The following DNHD1 variants were observed in gnomAD, a reference collection of about 807,000 sequenced individuals.
The protein encoded by DNHD1 is dynein heavy chain domain-containing protein 1.
A neutral mutation model predicts 458.1 loss-of-function variants in DNHD1; 383 were observed. That is an observed-to-expected ratio of 0.84 (90% CI 0.77 to 0.91). The LOEUF is 0.91. Among genes scored for constraint, DNHD1 ranks in the 40% least tolerant of loss-of-function variants. DNHD1 has a pLI of 0.00. For synonymous variants in DNHD1, 2,203 were observed against 2,376.9 expected, an observed-to-expected ratio of 0.93 and a Z score of 2.13; for missense variants, 5,336 against 5,866.1, an observed-to-expected ratio of 0.91 and a Z score of 2.95.
At chr11:6,529,268 G>T (rs1410479765) in intron 12 of DNHD1, 147 bp downstream of exon 12, 1 of 882,854 alleles carries the variant, frequency 1.1e-6, no homozygotes, top group African/African-American at 1.7e-5. Context: ...GAGGTCCCAG[G>T]CCCTTTCCTT....
chr11:6,510,364 C>T (rs1283165763), intron 6 of DNHD1, among the ~76,000 whole-genome samples: 3 of 152,180 alleles, frequency 2.0e-5, no homozygotes, highest in Non-Finnish European at 4.4e-5. Context: ...GGATTACAGG[C>T]GTGAGCCACC....
At position 6,570,269 on chromosome 11, in the gene DNHD1, T is replaced by C. The variant is rs776922688; in HGVS notation, c.12978T>C (p.Pro4326=). 6.2e-7 allele frequency: 1 copy of C among 1,613,724 alleles called. No individual in the cohort carries two copies. Among genetic ancestry groups the C allele is most frequent in the South Asian group, 1.1e-5 (1 of 91,056 alleles). The change falls in exon 41 of 43, where the codon CCT becomes CCC. Residue 4326 remains proline, a synonymous_variant. Transcript: ENST00000254579. ...CAGCTTCAGTTTTCTACGGGGGTCCTCTGGGGGACACTGAGGACAGGGAGG... is the reference window on the plus strand; with the variant it reads ...CAGCTTCAGTTTTCTACGGGGGTCCCCTGGGGGACACTGAGGACAGGGAGG... ...ELAASVFYGG[P]LGDTEDREAL...
At position 6,557,765 on chromosome 11, in the gene DNHD1, G is replaced by A. The variant is rs1192747237; in HGVS notation, c.8470G>A (p.Glu2824Lys). ...EKPSDLVFSQELILGPNSETP... is the reference protein window; with the variant it reads ...EKPSDLVFSQKLILGPNSETP... ...GCCCTCAGACCTGGTCTTCAGTCAG[G>A]AGCTGATACTGGGGCCTAACTCTGA... Residue 2824 changes from glutamate (E) to lysine (K), a missense_variant, in exon 25 of 43, where the codon GAG becomes AAG. By Grantham distance (56) the Glu-to-Lys change is moderately conservative (BLOSUM62 1). Around this residue, in one of 4 missense-constraint regions of DNHD1, gnomAD observed 3,932 missense variants for 4,365.6 expected, o/e 0.90. Transcript: ENST00000254579. 3 of 1,551,586 alleles carry A rather than the reference G, an allele frequency of 1.9e-6. No homozygotes were observed. The highest frequency in any genetic ancestry group is 2.6e-6 in the Non-Finnish European group (3 of 1,146,994).
intron 28 of DNHD1, among the ~76,000 whole-genome samples, chr11:6,560,834 T>G (rs1182048798): frequency 6.6e-6 from 1 of 152,184 alleles, no homozygotes; most frequent in Non-Finnish European, 1.5e-5. Flanking sequence ...ACTGGTTAAT[T>G]TTTTCATTAT....
intron 3 of DNHD1, among the ~76,000 whole-genome samples, 164 bp from the exon 4 acceptor site, chr11:6,502,589 G>A (rs1371015658): frequency 6.6e-6 from 1 of 152,102 alleles, no homozygotes; most frequent in Non-Finnish European, 1.5e-5. Context: ...CCCAGTATGT[G>A]GTATCTTTGA....
chr11:6,562,744 G>A (rs557235334), intron 28 of DNHD1, among the ~76,000 whole-genome samples: 4 of 152,200 alleles, frequency 2.6e-5, no homozygotes, highest in African/African-American at 7.2e-5. Context: ...CATAGTCTTC[G>A]GGTGAAGCGG....
At chr11:6,524,266 G>A (rs1421547544) in intron 10 of DNHD1, among the ~76,000 whole-genome samples, 2 of 152,170 alleles carry the variant, frequency 1.3e-5, no homozygotes, top group African/African-American at 4.8e-5. Flanking sequence ...TTCAAAGGTA[G>A]AGAAGAAGTA....
Position 6,519,788 on chromosome 11 carries a change from G to T in DNHD1, c.1581G>T (p.Met527Ile), listed in dbSNP as rs1201988543. 6.2e-7 allele frequency: 1 copy of T among 1,613,648 alleles called. No individual in the cohort carries two copies. Among genetic ancestry groups the T allele is most frequent in the Admixed American group, 1.7e-5 (1 of 60,014 alleles). The change falls in exon 8 of 43, where the codon ATG (methionine) becomes ATT (isoleucine). Residue 527 changes from methionine (M) to isoleucine (I), a missense_variant. Physicochemically the swap from Met to Ile is conservative, Grantham distance 10. This residue lies in a region of DNHD1 where 3,932 missense variants were observed against 4,365.6 expected (regional missense o/e 0.90). Coordinates refer to ENST00000254579, the MANE Select transcript of DNHD1 (RefSeq NM_144666.3). ...AGTTTGCCCGCCTGGTTGACTACAT[G>T]ATTTGTCAGAGCCTCATTTCTGTCT... ...LGKFARLVDYMICQSLISVLE... is the reference protein window; with the variant it reads ...LGKFARLVDYIICQSLISVLE...
At chr11:6,521,432 T>C (rs181532130) in intron 10 of DNHD1, among the ~76,000 whole-genome samples, 2 of 152,212 alleles carry the variant, frequency 1.3e-5, no homozygotes, top group East Asian at 1.9e-4. Flanking sequence ...GCTGAAAATA[T>C]TCACCTACCA....
In DNHD1 at chr11:6,528,875, T is replaced by C; in HGVS notation, c.2104-3T>C. The C allele has an allele frequency of 6.4e-7, 1 of 1,551,620 alleles. No individual in the cohort carries two copies. Among genetic ancestry groups the C allele is most frequent in the Non-Finnish European group, 8.7e-7 (1 of 1,146,942 alleles). On this transcript the variant is annotated splice_polypyrimidine_tract_variant and splice_region_variant and intron_variant, in intron 11 of 42. Transcript: ENST00000254579. ...CTGCCCTAAACACCTTGTCTGCCCT[T>C]AGGGCGTGCTGTGCAAGGTGCAGGA...
At chr11:6,526,036 C>T (rs1852705358) in intron 10 of DNHD1, among the ~76,000 whole-genome samples, 1 of 151,584 alleles carries the variant, frequency 6.6e-6, no homozygotes, top group African/African-American at 2.4e-5. Flanking sequence ...TCTTCCCTTG[C>T]TTTGTTTTTT....
In DNHD1 at chr11:6,557,679, C is replaced by T. The variant is rs768840373; in HGVS notation, c.8384C>T (p.Pro2795Leu). 2.9e-5 allele frequency: 45 copies of T among 1,551,534 alleles called. No individual in the cohort carries two copies. The Middle Eastern group carries it at 6.7e-4, about 23-fold the overall frequency. ...TTCAAGACTTGGTGGCAGAAGAAAC[C>T]CCAGATGGACCTGATCTCACCCTTG... Reference protein sequence around the residue: ...RSFKTWWQKKPQMDLISPLLL... With the variant: ...RSFKTWWQKKLQMDLISPLLL... The change falls in exon 25 of 43, where the codon CCC (proline) becomes CTC (leucine). Residue 2795 changes from proline (P) to leucine (L), a missense_variant. Pro to Leu is a moderately conservative substitution (Grantham distance 98). This residue lies in a region of DNHD1 where 3,932 missense variants were observed against 4,365.6 expected (regional missense o/e 0.90). Coordinates refer to ENST00000254579, the MANE Select transcript of DNHD1 (RefSeq NM_144666.3).
chr11:6,532,951 A>G (rs572729929), intron 12 of DNHD1, 76 bp from the exon 13 acceptor site: 2 of 1,411,698 alleles, frequency 1.4e-6, no homozygotes, highest in African/African-American at 2.9e-5. Flanking sequence ...GCCTACTCCC[A>G]CTCTGGACCA....
intron 1 of DNHD1, 99 bp from the exon 2 acceptor site, chr11:6,497,486 G>A (rs1469537895): frequency 6.5e-6 from 1 of 152,750 alleles, no homozygotes; most frequent in Non-Finnish European, 1.5e-5. Flanking sequence ...CCTGCTCCTC[G>A]GCTTTCTGTC....
rs143558742 is a variant in DNHD1 at position 6,537,345 on chromosome 11, C to A, written c.2999-1038C>A. Among the ~76,000 whole-genome samples, 309 of 152,202 alleles carry A rather than the reference C, an allele frequency of 2.0e-3. 3 individuals are homozygous for A. Among genetic ancestry groups the A allele is most frequent in the African/African-American group, 6.5e-3 (272 of 41,538 alleles). ...TGAACTTTCTTTTGGGCTGACAGTTCATTCGCTCATTCATTCATTCATTCA... is the reference window on the plus strand; with the variant it reads ...TGAACTTTCTTTTGGGCTGACAGTTAATTCGCTCATTCATTCATTCATTCA... On this transcript the variant is annotated intron_variant, in intron 14 of 42. Transcript: ENST00000254579.
Position 6,571,388 on chromosome 11 carries a change from C to A in DNHD1, c.13876C>A (p.Arg4626Ser), listed in dbSNP as rs758212713. 6.2e-7 allele frequency: 1 copy of A among 1,609,498 alleles called. No individual in the cohort carries two copies. The highest frequency in any genetic ancestry group is 8.5e-7 in the Non-Finnish European group (1 of 1,177,222). The stretch of plus-strand genomic sequence containing the variant: ...GGTCTCCAGTCAGCTCCAGTATAAA[C>A]GTCTGGAGATGAACAGCAACCCTCT... ...GSVSSQLQYK[R>S]LEMNSNPLHF... The change falls in exon 42 of 43, where the codon CGT becomes AGT. Residue 4626 changes from arginine (R) to serine (S), a missense_variant. By Grantham distance (110) the Arg-to-Ser change is moderately radical. This residue lies in a region of DNHD1 where 698 missense variants were observed against 664.9 expected (regional missense o/e 1.05). Coordinates refer to ENST00000254579, the MANE Select transcript of DNHD1 (RefSeq NM_144666.3). This position sits in a 1 kb window ranked among gnomAD's most constrained non-coding sequence, Gnocchi z 5.0.
At chr11:6,524,908 G>C (rs1302688358) in intron 10 of DNHD1, among the ~76,000 whole-genome samples, 1 of 152,176 alleles carries the variant, frequency 6.6e-6, no homozygotes, top group Non-Finnish European at 1.5e-5. Context: ...CTTGAAGTAG[G>C]TGCTTCCAGA....
intron 4 of DNHD1, chr11:6,504,269 T>C (rs1030888250): frequency 1.3e-5 from 2 of 152,274 alleles, no homozygotes; most frequent in African/African-American, 4.8e-5. Context: ...TTTGTGATAC[T>C]GGGGCTGAGA....
rs80197979 is a variant in DNHD1, at chr11:6,570,824, C to T, written c.13312C>T (p.Arg4438Ter). 358 of 1,614,020 alleles carry T rather than the reference C, an allele frequency of 2.2e-4. 2 individuals are homozygous for T. In the African/African-American group the frequency reaches 4.4e-3, roughly 20 times the overall value. ...AAGAGGCGCCCAGCTTGCGGAAAGG[C>T]GACTGCGGCAACGCCTAGTGCAAGT... ...SRRGAQLAER[R>*]LRQRLVQVNR... Residue 4438 changes from arginine (R) to a stop codon, truncating the protein, a stop_gained, in exon 42 of 43, where the codon CGA (arginine) becomes TGA (stop). Coordinates refer to ENST00000254579, the MANE Select transcript of DNHD1 (RefSeq NM_144666.3). LOFTEE classifies it high-confidence loss of function.
Sources: gnomAD v4.1 joint callset for allele counts (sites outside exome capture counted in the v4.1 genomes callset) on GRCh38, gnomAD v4.1.1 for gene constraint, gnomAD v4.1.1 regional missense constraint, Gnocchi (gnomAD v3.1) non-coding constraint, MANE v1.5 for transcripts, NCBI Gene and HGNC (gene_info 2026-07-23, HGNC 2026-07-21) for gene names.